Variants in DYM observed in about 807,000 individuals in gnomAD.
DYM encodes dyggve-Melchior-Clausen syndrome protein.
A neutral mutation model predicts 93.1 loss-of-function variants in DYM; 78 were observed. The observed-to-expected ratio is 0.84, with a 90% CI of 0.70 to 1.01. The LOEUF is 1.01. Among genes scored for constraint, DYM ranks in the 50% least tolerant of loss-of-function variants. The pLI is 0.00. For synonymous variants in DYM, 321 were observed against 319.7 expected (o/e 1.00, Z -0.04); for missense variants, 789 against 845.0 (o/e 0.93, Z 0.82).
intron 8 of DYM, among the ~76,000 whole-genome samples, chr18:49,295,921 T>C (rs1389108981): frequency 6.6e-6 from 1 of 152,034 alleles, no homozygotes; most frequent in Admixed American, 6.6e-5. Flanking sequence ...TTCTTATTTA[T>C]TTATTTATTT....
At chr18:49,097,284 G>T in intron 17 of DYM, 118 bp downstream of exon 17, 1 of 877,072 alleles carries the variant, frequency 1.1e-6, no homozygotes, top group East Asian at 2.6e-5. Context: ...GTTCTGAGGA[G>T]CCCTTCTAGT....
intron 13 of DYM, among the ~76,000 whole-genome samples, chr18:49,221,138 A>G (rs980556055): frequency 0.014 from 2,166 of 152,218 alleles, 52 homozygotes; most frequent in African/African-American, 0.049. Flanking sequence ...TTATGCAGCC[A>G]AAAAACACAT....
At chr18:49,315,857 T>A (rs2061899039) in intron 8 of DYM, among the ~76,000 whole-genome samples, 1 of 152,222 alleles carries the variant, frequency 6.6e-6, no homozygotes, top group Admixed American at 6.5e-5. Flanking sequence ...ACTTTGTTAC[T>A]GAATTAGAGA....
chr18:49,072,650 T>C (rs2076983534), intron 17 of DYM, among the ~76,000 whole-genome samples: 1 of 152,246 alleles, frequency 6.6e-6, no homozygotes, highest in Non-Finnish European at 1.5e-5. Context: ...GATAAATGAA[T>C]GGTCCACAGG....
chr18:49,308,747 C>G (rs2061418556), intron 8 of DYM, among the ~76,000 whole-genome samples: 1 of 152,056 alleles, frequency 6.6e-6, no homozygotes, highest in Admixed American at 6.5e-5. Context: ...ACAGGGGAAC[C>G]ATTTTTCTTT....
At chr18:49,402,255 T>C (rs965988122) in intron 2 of DYM, among the ~76,000 whole-genome samples, 3 of 152,156 alleles carry the variant, frequency 2.0e-5, no homozygotes, top group African/African-American at 7.2e-5. Context: ...AGTATCCTTA[T>C]GTCATGCTAA....
chr18:49,057,957 T>G (rs1307309958), intron 17 of DYM, among the ~76,000 whole-genome samples: 1 of 152,160 alleles, frequency 6.6e-6, no homozygotes, highest in Non-Finnish European at 1.5e-5. Context: ...AGACTGACTG[T>G]GATGTTGAGG....
intron 9 of DYM, among the ~76,000 whole-genome samples, chr18:49,283,931 T>C (rs2095054143): frequency 6.6e-6 from 1 of 152,192 alleles, no homozygotes; most frequent in African/African-American, 2.4e-5. Context: ...ATTTTTTCAA[T>C]ACTAACACTG....
intron 8 of DYM, among the ~76,000 whole-genome samples, chr18:49,301,581 G>A (rs574854973): frequency 1.3e-5 from 2 of 150,990 alleles, no homozygotes; most frequent in East Asian, 3.9e-4. Context: ...AAAGTTACAT[G>A]TAGTAAATGT....
At chr18:49,161,199 G>A (rs1173155567) in intron 15 of DYM, among the ~76,000 whole-genome samples, 2 of 151,902 alleles carry the variant, frequency 1.3e-5, no homozygotes, top group East Asian at 1.9e-4. Flanking sequence ...TTTTATACAA[G>A]AAGAAAATAT....
intron 13 of DYM, among the ~76,000 whole-genome samples, chr18:49,228,566 T>C (rs2093607693): frequency 6.6e-6 from 1 of 152,164 alleles, no homozygotes; most frequent in Admixed American, 6.5e-5. Context: ...ATAACATGAT[T>C]AATCTCACAG....
At position 49,222,092 on chromosome 18, in the gene DYM, T is replaced by C. The variant is rs191914286; in HGVS notation, c.1461-12377A>G. On this transcript the variant is annotated intron_variant, in intron 13 of 17. Transcript: ENST00000675505. ...CAGTGGGTTATATTCTAAGGACAAA[T>C]AGAAACACACACAAAAAAATCCTAA... Among the ~76,000 whole-genome samples the C allele has an allele frequency of 4.6e-3, 704 of 151,682 alleles. 6 individuals are homozygous for C. Among genetic ancestry groups the C allele is most frequent in the Non-Finnish European group, 4.4e-3 (300 of 67,946 alleles).
chr18:49,084,628 A>T (rs1165797309), intron 17 of DYM, among the ~76,000 whole-genome samples: 2 of 152,134 alleles, frequency 1.3e-5, no homozygotes, highest in African/African-American at 4.8e-5. Flanking sequence ...GAATTTTTTT[A>T]GTAGCTCAAA....
chr18:49,402,004 C>T (rs978514640), intron 2 of DYM, among the ~76,000 whole-genome samples: 1 of 140,206 alleles, frequency 7.1e-6, no homozygotes, highest in Non-Finnish European at 1.5e-5. Context: ...CCAGCCTGGG[C>T]AACAAGAGCG....
intron 14 of DYM, among the ~76,000 whole-genome samples, chr18:49,164,762 G>T (rs577310319): frequency 1.3e-5 from 2 of 152,286 alleles, no homozygotes; most frequent in South Asian, 2.1e-4. Flanking sequence ...AGGGATATTG[G>T]AGCTCCAACC....
At chr18:49,349,486 A>G (rs1032539107) in intron 6 of DYM, among the ~76,000 whole-genome samples, 4 of 152,242 alleles carry the variant, frequency 2.6e-5, no homozygotes, top group African/African-American at 7.2e-5. Flanking sequence ...GGGTAAGTAC[A>G]TGTCCAAAGT....
Position 49,331,902 on chromosome 18 carries a change from C to G in DYM, c.725G>C (p.Gly242Ala). 6.2e-7 allele frequency: 1 copy of G among 1,614,086 alleles called. No individual in the cohort carries two copies. Among genetic ancestry groups the G allele is most frequent in the South Asian group, 1.1e-5 (1 of 91,072 alleles). The change falls in exon 8 of 18, where the codon GGG (glycine) becomes GCG (alanine). Residue 242 changes from glycine (G) to alanine (A), a missense_variant. This residue lies in a region of DYM where 450 missense variants were observed against 436.2 expected (regional missense o/e 1.03). Coordinates refer to ENST00000675505, the MANE Select transcript of DYM (RefSeq NM_001353214.3). ...GAHVFPQQSD[G>A]GGLLYGLASG... is the part of the protein sequence containing the mutation. ...TGCAAGTCCATAAAGCAGTCCTCCC[C>G]CATCCGACTGCTGAGGGAAAACATG...
chr18:49,221,396 A>C (rs9635950), intron 13 of DYM, among the ~76,000 whole-genome samples: 151,306 of 151,988 alleles, frequency 1, 75,319 homozygotes, highest in Middle Eastern at 1. Context: ...CCCAGTCATC[A>C]CATTACTGGG....
intron 13 of DYM, among the ~76,000 whole-genome samples, chr18:49,255,652 GAC>G (rs1420116718): frequency 2.0e-4 from 29 of 146,340 alleles, no homozygotes; most frequent in African/African-American, 6.9e-4. Flanking sequence ...CAGCCTGGGT[GAC>G]AGAGTGAGAC....
Sources: gnomAD v4.1 joint callset for allele counts (sites outside exome capture counted in the v4.1 genomes callset) on GRCh38, gnomAD v4.1.1 for gene constraint, gnomAD v4.1.1 regional missense constraint, MANE v1.5 for transcripts, NCBI Gene and HGNC (gene_info 2026-07-23, HGNC 2026-07-21) for gene names.